The following STRN4 variants were observed in gnomAD, a reference collection of about 807,000 sequenced individuals.
The protein encoded by STRN4 is striatin-4.
A neutral mutation model predicts 77.9 loss-of-function variants in STRN4; 27 were observed. The observed-to-expected ratio is 0.35, with a 90% CI of 0.26 to 0.48. STRN4 has a LOEUF of 0.48. Among genes scored for constraint, STRN4 ranks in the 20% least tolerant of loss-of-function variants. STRN4 has a pLI of 0.99. For missense variants in STRN4, 798 were observed against 1,049.7 expected, an observed-to-expected ratio of 0.76 and a Z score of 3.31; for synonymous variants, 466 against 443.1, an observed-to-expected ratio of 1.05 and a Z score of -0.65.
Position 46,720,188 on chromosome 19 carries a change from A to T in STRN4, c.*217T>A, listed in dbSNP as rs530687643. The T allele has an allele frequency of 7.4e-4, 120 of 161,910 alleles. 1 individual carries two copies. The highest frequency in any genetic ancestry group is 3.0e-3 in the Middle Eastern group (1 of 336). The allele number at this position is 161,910 out of a possible 1,614,324, so 10.0% of individuals were successfully genotyped here. On this transcript the variant is annotated 3_prime_UTR_variant, in exon 18 of 18. Coordinates refer to ENST00000263280, the MANE Select transcript of STRN4 (RefSeq NM_013403.3). ...AACCCCGAGGCCATCCTCGGGGGTG[A>T]TTCCTGAAAGGGGCCCATCCCCAGG...
Position 46,722,055 on chromosome 19 carries a change from T to C in STRN4, c.2023A>G (p.Met675Val), listed in dbSNP as rs1415258805. 3.7e-6 allele frequency: 6 copies of C among 1,613,158 alleles called. No homozygotes were observed. The highest frequency in any genetic ancestry group is 5.1e-6 in the Non-Finnish European group (6 of 1,180,006). ...DNRTGKPVHS[M>V]VAHLDAVTCL... ...GTGACTGCGTCCAGGTGTGCAACCA[T>C]GGAGTGCACCGGCTTACCTGAGGCG... The change falls in exon 16 of 18, where the codon ATG becomes GTG. Residue 675 changes from methionine (M) to valine (V), a missense_variant. Coordinates refer to ENST00000263280, the MANE Select transcript of STRN4 (RefSeq NM_013403.3).
Position 46,727,605 on chromosome 19 carries a change from G to A in STRN4, c.1154-59C>T, listed in dbSNP as rs766886726. ...GGGGAGGGAGGGGCAGAGAGGGCCA[G>A]GGAGAGAGAGAATGACAGAGAGAGG... On this transcript the variant is annotated intron_variant, in intron 8 of 17. Transcript: ENST00000263280. 1.8e-5 allele frequency: 25 copies of A among 1,400,290 alleles called. No homozygotes were observed. In the South Asian group the frequency reaches 2.8e-4, roughly 16 times the overall value. The allele number at this position is 1,400,290 out of a possible 1,614,324, so 86.7% of individuals were successfully genotyped here.
intron 6 of STRN4, 59 bp downstream of exon 6, chr19:46,730,673 A>C (rs1913223407): frequency 6.3e-7 from 1 of 1,589,964 alleles, no homozygotes; most frequent in African/African-American, 1.3e-5. Context: ...CTGACTCGGA[A>C]GGGCTTCGAT....
intron 12 of STRN4, among the ~76,000 whole-genome samples, chr19:46,724,480 C>A (rs1249134657): frequency 6.6e-6 from 1 of 152,220 alleles, no homozygotes; most frequent in Non-Finnish European, 1.5e-5. Flanking sequence ...CACGGCATGG[C>A]AGAGCAGAGG....
Position 46,741,995 on chromosome 19 carries a change from ATC to A in STRN4, c.283-3109_283-3108del, listed in dbSNP as rs2054483162. Reference sequence around the variant, plus strand: ...GGTCCCTGTCGCTGCTCCTATACAAATCTCCAGTTCAGATCCCTCATTAAAAG... The same window carrying A: ...GGTCCCTGTCGCTGCTCCTATACAAATCCAGTTCAGATCCCTCATTAAAAG... On this transcript the variant is annotated intron_variant, in intron 1 of 17. Coordinates refer to ENST00000263280, the MANE Select transcript of STRN4 (RefSeq NM_013403.3). This position sits in a 1 kb window ranked among gnomAD's most constrained non-coding sequence, Gnocchi z 4.9. Among the ~76,000 whole-genome samples the A allele has an allele frequency of 6.6e-6, 1 of 151,882 alleles. No homozygotes were observed.
intron 6 of STRN4, among the ~76,000 whole-genome samples, chr19:46,729,271 C>T (rs372336322): frequency 6.2e-4 from 94 of 152,316 alleles, no homozygotes; most frequent in African/African-American, 2.1e-3. Context: ...CCCAACCCTG[C>T]GAACAGCTAC....
rs2054613854 is a variant in STRN4 at position 46,746,333 on chromosome 19, G to T, written c.98C>A (p.Pro33Gln). 7.7e-7 allele frequency: 1 copy of T among 1,295,680 alleles called. No homozygotes were observed. Among genetic ancestry groups the T allele is most frequent in the Non-Finnish European group, 9.7e-7 (1 of 1,028,396 alleles). 80.3% of individuals were successfully genotyped at this position (1,295,680 alleles called of 1,614,324 possible). The change falls in exon 1 of 18, where the codon CCG (proline) becomes CAG (glutamine). Residue 33 changes from proline to glutamine, a missense_variant. Pro to Gln is a moderately conservative substitution (Grantham distance 76, BLOSUM62 -1). Coordinates refer to ENST00000263280, the MANE Select transcript of STRN4 (RefSeq NM_013403.3). ...GAGPGPTGAA[P>Q]VSAPAPGPGP... The stretch of plus-strand genomic sequence containing the variant: ...CGGCCCGGGGGCAGGGGCGGAGACC[G>T]GGGCCGCCCCAGTGGGGCCAGGGCC...
Position 46,722,229 on chromosome 19 carries a change from G to T in STRN4, c.2005+13C>A, listed in dbSNP as rs1240666069. The T allele has an allele frequency of 1.2e-6, 2 of 1,613,918 alleles. No individual in the cohort carries two copies. The highest frequency in any genetic ancestry group is 8.5e-7 in the Non-Finnish European group (1 of 1,179,826). Reference sequence around the variant, plus strand: ...CTCCCCACCCACTACGAGCACAAGGGGCTAGGCCTCACCTGTCCGATTGTC... The same window carrying T: ...CTCCCCACCCACTACGAGCACAAGGTGCTAGGCCTCACCTGTCCGATTGTC... On this transcript the variant is annotated intron_variant, in intron 15 of 17. Transcript: ENST00000263280.
At chr19:46,727,103 G>A (rs1033978438) in intron 9 of STRN4, among the ~76,000 whole-genome samples, 2 of 151,900 alleles carry the variant, frequency 1.3e-5, no homozygotes, top group Admixed American at 6.6e-5. Context: ...CCAGAGGCCC[G>A]TCCACTGAGG....
chr19:46,734,273 T>A (rs1468375951), intron 4 of STRN4, among the ~76,000 whole-genome samples: 1 of 152,184 alleles, frequency 6.6e-6, no homozygotes, highest in African/African-American at 2.4e-5. Context: ...CACACAGAGA[T>A]CTCAGTGAGG....
chr19:46,729,992 C>A (rs540584470), intron 6 of STRN4, among the ~76,000 whole-genome samples: 1 of 152,196 alleles, frequency 6.6e-6, no homozygotes, highest in East Asian at 1.9e-4. Context: ...GAGAGCCCTA[C>A]CCAACCAGCC....
rs1399581565 is a variant in STRN4, at chr19:46,725,651, G to A, written c.1249-3C>T. The stretch of plus-strand genomic sequence containing the variant: ...AAAGCATCTTTGCTGTCAGACAGCT[G>A]GGGTTGGGGGGAGCTGCCTCAGTGT... On this transcript the variant is annotated splice_polypyrimidine_tract_variant and splice_region_variant and intron_variant, in intron 9 of 17. Transcript: ENST00000263280. 1 of 1,613,118 alleles carries A rather than the reference G, an allele frequency of 6.2e-7. No homozygotes were observed. Among genetic ancestry groups the A allele is most frequent in the Non-Finnish European group, 8.5e-7 (1 of 1,179,254 alleles).
At chr19:46,728,927 C>G (rs1270853617) in intron 6 of STRN4, 150 bp from the exon 7 acceptor site, 1 of 1,144,382 alleles carries the variant, frequency 8.7e-7, no homozygotes, top group East Asian at 2.6e-5. Flanking sequence ...TGGAGCGCCC[C>G]CTGCTGGGCC....
In STRN4 at chr19:46,733,252, GC is replaced by G. The variant is rs759634056; in HGVS notation, c.540-17del. 4.4e-6 allele frequency: 7 copies of G among 1,606,078 alleles called. No homozygotes were observed. Among genetic ancestry groups the G allele is most frequent in the Non-Finnish European group, 5.1e-6 (6 of 1,178,998 alleles). ...TTCCAGGTACCTGCAGGGGTGCAGA[GC>G]CACGTGGGTCAGACATCCCCTGGGC... On this transcript the variant is annotated splice_polypyrimidine_tract_variant and intron_variant, in intron 4 of 17. Coordinates refer to ENST00000263280, the MANE Select transcript of STRN4 (RefSeq NM_013403.3). This position sits in a 1 kb window ranked among gnomAD's most constrained non-coding sequence, Gnocchi z 4.3.
chr19:46,727,246 G>A (rs1051680847), intron 9 of STRN4, among the ~76,000 whole-genome samples: 53 of 152,014 alleles, frequency 3.5e-4, no homozygotes, highest in African/African-American at 8.9e-4. Flanking sequence ...TGGAGGAGCC[G>A]TGGAACTGTG....
At position 46,733,183 on chromosome 19, in the gene STRN4, C is replaced by T. The variant is rs776258428; in HGVS notation, c.593G>A (p.Arg198His). The T allele has an allele frequency of 1.1e-5, 17 of 1,611,224 alleles. No individual in the cohort carries two copies. The highest frequency in any genetic ancestry group is 6.6e-5 in the South Asian group (6 of 91,086). ...TDTILDMRSK[R>H]VRSLLGRSLE... is the part of the protein sequence containing the mutation. The stretch of plus-strand genomic sequence containing the variant: ...CGAGCGGCCCAGCAGGGAACGGACG[C>T]GCTTGGACCGCATGTCGAGGATGGT... The change falls in exon 5 of 18, where the codon CGC becomes CAC. Residue 198 changes from arginine to histidine, a missense_variant. This residue lies in a region of STRN4 where 511 missense variants were observed against 575.9 expected (regional missense o/e 0.89). Transcript: ENST00000263280. This position sits in a 1 kb window ranked among gnomAD's most constrained non-coding sequence, Gnocchi z 4.3.
Position 46,721,971 on chromosome 19 carries a change from G to T in STRN4, c.2092+15C>A, listed in dbSNP as rs755308498. The T allele has an allele frequency of 1.2e-6, 2 of 1,613,204 alleles. No homozygotes were observed. Among genetic ancestry groups the T allele is most frequent in the Admixed American group, 3.3e-5 (2 of 60,006 alleles). On this transcript the variant is annotated intron_variant, in intron 16 of 17. Transcript: ENST00000263280. ...CTTCTCCCCAACCCTGGTGGGACTA[G>T]TGTGCTCAACTTACTTCCTGACATC...
Position 46,733,895 on chromosome 19 carries a change from A to G in STRN4, c.540-659T>C, listed in dbSNP as rs987549510. On this transcript the variant is annotated intron_variant, in intron 4 of 17. Coordinates refer to ENST00000263280, the MANE Select transcript of STRN4 (RefSeq NM_013403.3). The surrounding 1 kb of genome is among the most constrained non-coding windows in gnomAD (Gnocchi z 4.3). ...ACTGGACTAAAAGTAAAAAAAGAAG[A>G]AGGAAAAAAGAACAAAAATCAATTT... 9 of 152,318 alleles carry G rather than the reference A, an allele frequency of 5.9e-5. No individual in the cohort carries two copies. Among genetic ancestry groups the G allele is most frequent in the African/African-American group, 9.6e-5 (4 of 41,560 alleles). The allele number at this position is 152,318 out of a possible 1,614,324, so 9.4% of individuals were successfully genotyped here.
At chr19:46,725,207 G>A (rs1420815932) in intron 11 of STRN4, 125 bp downstream of exon 11, 3 of 1,324,718 alleles carry the variant, frequency 2.3e-6, no homozygotes, top group Non-Finnish European at 3.2e-6. Context: ...CATGAAGGGG[G>A]CGGGGACTCA....
Sources: allele counts gnomAD v4.1 joint callset (sites outside exome capture counted in the v4.1 genomes callset), GRCh38; gene constraint gnomAD v4.1.1; regional missense constraint gnomAD v4.1.1; non-coding constraint Gnocchi (gnomAD v3.1); transcripts MANE v1.5; gene names NCBI Gene and HGNC (gene_info 2026-07-23, HGNC 2026-07-21).